The following CES3 variants were observed in gnomAD, a reference collection of about 807,000 sequenced individuals.
CES3 encodes the protein carboxylesterase 3 (brain).
In CES3, 49 loss-of-function variants were observed where a neutral mutation model predicts 57.6. The observed-to-expected ratio is 0.85, with a 90% CI of 0.68 to 1.08. CES3 has a LOEUF of 1.08. Among genes scored for constraint, CES3 ranks in the 50% least tolerant of loss-of-function variants. CES3 has a pLI of 0.00. For missense variants in CES3, 645 were observed against 742.0 expected, an observed-to-expected ratio of 0.87 and a Z score of 1.52; for synonymous variants, 266 against 281.6, an observed-to-expected ratio of 0.94 and a Z score of 0.55.
rs752124364 is a variant in CES3, at chr16:66,963,376, C to T, written c.280C>T (p.Pro94Ser). 3.1e-6 allele frequency: 5 copies of T among 1,612,754 alleles called. No homozygotes were observed. The East Asian group carries it at 6.7e-5, about 22-fold the overall frequency. The stretch of plus-strand genomic sequence containing the variant: ...GGGTGTGCGGGATGCCAGCACTGCG[C>T]CCCCAATGTGAGTAGTGCTGGTGGA... ...WEGVRDASTA[P>S]PMCLQDVESM... Residue 94 changes from proline to serine, a missense_variant, in exon 2 of 13, where the codon CCC (proline) becomes TCC (serine). Transcript: ENST00000303334. The surrounding 1 kb of genome is among the most constrained non-coding windows in gnomAD (Gnocchi z 4.9).
intron 9 of CES3, among the ~76,000 whole-genome samples, chr16:66,970,538 G>A (rs765946513): frequency 1.3e-5 from 2 of 152,246 alleles, no homozygotes; most frequent in Non-Finnish European, 2.9e-5. Flanking sequence ...TAGAGCCTCA[G>A]CTGTCAGATG....
chr16:66,963,682 T>C lies in CES3; in HGVS notation c.426+53T>C. 6.2e-7 allele frequency: 1 copy of C among 1,613,390 alleles called. No homozygotes were observed. The highest frequency in any genetic ancestry group is 8.5e-7 in the Non-Finnish European group (1 of 1,179,774). On this transcript the variant is annotated intron_variant, in intron 3 of 12. Transcript: ENST00000303334. This position sits in a 1 kb window ranked among gnomAD's most constrained non-coding sequence, Gnocchi z 4.9. The stretch of plus-strand genomic sequence containing the variant: ...CTGATCCAGCTCCACTATGCCTACC[T>C]GTCCCCTCCCCGTCCCTGTTTCCAA...
intron 9 of CES3, among the ~76,000 whole-genome samples, chr16:66,970,092 T>C (rs1963805902): frequency 6.7e-6 from 1 of 149,518 alleles, no homozygotes; most frequent in South Asian, 2.1e-4. Context: ...TCTGTTTTCT[T>C]TTCTTTTCTT....
chr16:66,970,083 C>CT (rs1397378209), intron 9 of CES3, among the ~76,000 whole-genome samples: 1 of 151,052 alleles, frequency 6.6e-6, no homozygotes, highest in African/African-American at 2.4e-5. Context: ...CACTGCAACT[C>CT]TGTTTTCTTT....
chr16:66,964,488 G>T lies in CES3; in HGVS notation c.692G>T (p.Gly231Val). Residue 231 changes from glycine to valine, a missense_variant, in exon 5 of 13, where the codon GGT becomes GTT. Physicochemically the swap from Gly to Val is moderately radical, Grantham distance 109. Coordinates refer to ENST00000303334, the MANE Select transcript of CES3 (RefSeq NM_024922.6). Reference protein sequence around the residue: ...NCVTVFGGSAGGSIISGLVLS... With the variant: ...NCVTVFGGSAVGSIISGLVLS... ...GTCACTGTCTTTGGTGGATCTGCCG[G>T]TGGGAGCATCATCTCTGGCCTGGTA... The T allele has an allele frequency of 6.2e-7, 1 of 1,614,098 alleles. No homozygotes were observed. The highest frequency in any genetic ancestry group is 8.5e-7 in the Non-Finnish European group (1 of 1,179,984).
Position 66,973,165 on chromosome 16 carries a change from G to T in CES3, c.*116G>T. 4.4e-6 allele frequency: 4 copies of T among 903,734 alleles called. No homozygotes were observed. In the South Asian group the frequency reaches 6.9e-5, roughly 16 times the overall value. 56.0% of individuals were successfully genotyped at this position (903,734 alleles called of 1,614,324 possible). On this transcript the variant is annotated 3_prime_UTR_variant, in exon 13 of 13. Transcript: ENST00000303334. ...ACTTTAATCTCCACCAGCCCTTAAA[G>T]TGTCGGCCGCTCTGTGACTGGAGTT...
In CES3 at chr16:66,963,561, G is replaced by A. The variant is rs761090294; in HGVS notation, c.358G>A (p.Val120Ile). The change falls in exon 3 of 13, where the codon GTT (valine) becomes ATT (isoleucine). Residue 120 changes from valine to isoleucine, a missense_variant. Val to Ile is a conservative substitution (Grantham distance 29). Coordinates refer to ENST00000303334, the MANE Select transcript of CES3 (RefSeq NM_024922.6). The surrounding 1 kb of genome is among the most constrained non-coding windows in gnomAD (Gnocchi z 4.9). Reference sequence around the variant, plus strand: ...CAACGGAAAACAGCAGATCTTCTCCGTTTCAGAGGACTGCCTGGTCCTCAA... The same window carrying A: ...CAACGGAAAACAGCAGATCTTCTCCATTTCAGAGGACTGCCTGGTCCTCAA... ...VLNGKQQIFS[V>I]SEDCLVLNVY... is the part of the protein sequence containing the mutation. 4.3e-5 allele frequency: 69 copies of A among 1,614,094 alleles called. No homozygotes were observed. Among genetic ancestry groups the A allele is most frequent in the Non-Finnish European group, 5.1e-5 (60 of 1,180,034 alleles).
chr16:66,969,209 C>T (rs1963788411), intron 8 of CES3, among the ~76,000 whole-genome samples: 1 of 152,238 alleles, frequency 6.6e-6, no homozygotes, highest in African/African-American at 2.4e-5. Flanking sequence ...AGTGTGAGAC[C>T]AGCCTGGCCA....
chr16:66,969,362 C>CAT (rs1963790841), intron 8 of CES3, among the ~76,000 whole-genome samples: 1 of 151,996 alleles, frequency 6.6e-6, no homozygotes, highest in African/African-American at 2.4e-5. Context: ...GCCGAGATTG[C>CAT]GCCACTGCAC....
At chr16:66,966,511 T>C (rs1397151849) in intron 7 of CES3, 166 bp downstream of exon 7, 1 of 822,876 alleles carries the variant, frequency 1.2e-6, no homozygotes, top group Non-Finnish European at 1.9e-6. Flanking sequence ...GCCATCTCCA[T>C]CCCCACAGCA....
chr16:66,969,856 A>C (rs1597023392), intron 9 of CES3, 97 bp downstream of exon 9: 1 of 969,726 alleles, frequency 1.0e-6, no homozygotes, highest in Non-Finnish European at 1.6e-6. Flanking sequence ...ACCTTCCGAC[A>C]CCCACAGCTA....
Position 66,963,546 on chromosome 16 carries a change from C to G in CES3, c.343C>G (p.Gln115Glu), listed in dbSNP as rs1963684056. ...CAGCAGATTTGTCCTCAACGGAAAA[C>G]AGCAGATCTTCTCCGTTTCAGAGGA... ...NSSRFVLNGKQQIFSVSEDCL... is the reference protein window; with the variant it reads ...NSSRFVLNGKEQIFSVSEDCL... The change falls in exon 3 of 13, where the codon CAG becomes GAG. Residue 115 changes from glutamine to glutamate, a missense_variant. Transcript: ENST00000303334. This position sits in a 1 kb window ranked among gnomAD's most constrained non-coding sequence, Gnocchi z 4.9. The G allele has an allele frequency of 6.2e-7, 1 of 1,614,214 alleles. No individual in the cohort carries two copies. The highest frequency in any genetic ancestry group is 8.5e-7 in the Non-Finnish European group (1 of 1,180,024).
At chr16:66,967,729 A>G in intron 8 of CES3, 1 of 984,296 alleles carries the variant, frequency 1.0e-6, no homozygotes, top group Non-Finnish European at 1.2e-6. Context: ...ACCCTAAGAC[A>G]AAGCAATCCA....
intron 6 of CES3, among the ~76,000 whole-genome samples, chr16:66,965,839 C>G (rs1457996259): frequency 6.6e-6 from 1 of 152,162 alleles, no homozygotes; most frequent in Non-Finnish European, 1.5e-5. Flanking sequence ...ACTCAGGAGG[C>G]TGAGGCAGAA....
chr16:66,969,919 G>A (rs140383488), intron 9 of CES3, among the ~76,000 whole-genome samples, 160 bp downstream of exon 9: 29 of 152,062 alleles, frequency 1.9e-4, no homozygotes, highest in Admixed American at 5.9e-4. Context: ...CTTCCACTCC[G>A]GAATCTCCTT....
rs149091298 is a variant in CES3 at position 66,972,939 on chromosome 16, G to A, written c.1606G>A (p.Gly536Arg). ...YLEINPVPRAGQKFREAWMQF... is the reference protein window; with the variant it reads ...YLEINPVPRARQKFREAWMQF... ...GGAGATCAACCCAGTGCCACGGGCC[G>A]GACAGAAGTTCAGGGAGGCCTGGAT... is the stretch of plus-strand genomic sequence containing the variant. Residue 536 changes from glycine to arginine, a missense_variant, in exon 13 of 13, where the codon GGA (glycine) becomes AGA (arginine). Transcript: ENST00000303334. The A allele has an allele frequency of 6.2e-6, 10 of 1,614,086 alleles. No homozygotes were observed. Among genetic ancestry groups the A allele is most frequent in the African/African-American group, 2.7e-5 (2 of 75,024 alleles).
Position 66,963,308 on chromosome 16 carries a change from G to A in CES3, c.212G>A (p.Gly71Asp), listed in dbSNP as rs1490080959. The A allele has an allele frequency of 3.7e-6, 6 of 1,613,686 alleles. No homozygotes were observed. The Admixed American group carries it at 5.0e-5, about 13-fold the overall frequency. The change falls in exon 2 of 13, where the codon GGC becomes GAC. Residue 71 changes from glycine to aspartate, a missense_variant. Physicochemically the swap from Gly to Asp is moderately conservative, Grantham distance 94 (BLOSUM62 -1). Transcript: ENST00000303334. This position sits in a 1 kb window ranked among gnomAD's most constrained non-coding sequence, Gnocchi z 4.9. The stretch of plus-strand genomic sequence containing the variant: ...ATTCCATTTGCCCAGCCGCCACTGG[G>A]CCCTGACCGGTTCTCAGCCCCACAC... ...LGIPFAQPPLGPDRFSAPHPA... is the reference protein window; with the variant it reads ...LGIPFAQPPLDPDRFSAPHPA...
At position 66,973,402 on chromosome 16, in the gene CES3, G is replaced by A. The variant is rs574051083; in HGVS notation, c.*353G>A. 4 of 219,830 alleles carry A rather than the reference G, an allele frequency of 1.8e-5. No individual in the cohort carries two copies. The highest frequency in any genetic ancestry group is 1.7e-4 in the South Asian group (2 of 12,078). The allele number at this position is 219,830 out of a possible 1,614,324, so 13.6% of individuals were successfully genotyped here. On this transcript the variant is annotated 3_prime_UTR_variant, in exon 13 of 13. Transcript: ENST00000303334. Reference sequence around the variant, plus strand: ...GCGTCCATTAGAGCACAGTCCACCCGAGGCTAGCACCGTGTCTGTGTCTGT... The same window carrying A: ...GCGTCCATTAGAGCACAGTCCACCCAAGGCTAGCACCGTGTCTGTGTCTGT...
At chr16:66,961,460 G>A (rs1963650720) in intron 1 of CES3, 71 bp downstream of exon 1, 44 of 1,270,464 alleles carry the variant, frequency 3.5e-5, no homozygotes, top group Non-Finnish European at 4.5e-5. Context: ...GGGACAGGGA[G>A]CAGTGGGCCG....
Sources: gnomAD v4.1 joint callset for allele counts (sites outside exome capture counted in the v4.1 genomes callset) on GRCh38, gnomAD v4.1.1 for gene constraint, Gnocchi (gnomAD v3.1) non-coding constraint, MANE v1.5 for transcripts, NCBI Gene and HGNC (gene_info 2026-07-23, HGNC 2026-07-21) for gene names.